Variants in CDH6 observed in about 807,000 individuals in gnomAD.
CDH6 encodes the protein cadherin 6.
Under a neutral mutation model 78.0 loss-of-function variants are expected in CDH6, and 31 were observed. That is an observed-to-expected ratio of 0.40 (90% CI 0.30 to 0.54). The LOEUF (loss-of-function observed/expected upper bound fraction) is 0.54, where lower values mean the gene tolerates loss of function less well. CDH6 is among the 20% of genes least tolerant of loss of function. The pLI is 0.56. For synonymous variants in CDH6, 376 were observed against 368.8 expected (o/e 1.02, Z -0.23); for missense variants, 724 against 975.9 (o/e 0.74, Z 3.44).
intron 1 of CDH6, among the ~76,000 whole-genome samples, chr5:31,196,822 T>A (rs1409246056): frequency 6.6e-6 from 1 of 152,144 alleles, no homozygotes; most frequent in African/African-American, 2.4e-5. Context: ...TAATAAAGAA[T>A]TTACCATCAT....
At chr5:31,314,826 A>T (rs1316163328) in intron 8 of CDH6, among the ~76,000 whole-genome samples, 1 of 152,164 alleles carries the variant, frequency 6.6e-6, no homozygotes, top group Admixed American at 6.5e-5. Context: ...CCTTAAAAAA[A>T]GTTTTTAAGA....
intron 5 of CDH6, 61 bp downstream of exon 5, chr5:31,299,692 A>G (rs1304853471): frequency 1.8e-5 from 25 of 1,423,860 alleles, no homozygotes; most frequent in Non-Finnish European, 2.3e-5. Context: ...GAACTTTAAG[A>G]ATTTTTATTT....
chr5:31,261,290 G>A (rs1432379343), intron 1 of CDH6, among the ~76,000 whole-genome samples: 1 of 152,176 alleles, frequency 6.6e-6, no homozygotes, highest in Non-Finnish European at 1.5e-5. Flanking sequence ...TAAGAGAGAT[G>A]TTAAAAAGTC....
intron 1 of CDH6, among the ~76,000 whole-genome samples, chr5:31,259,557 G>A (rs1742154925): frequency 6.6e-6 from 1 of 152,188 alleles, no homozygotes; most frequent in African/African-American, 2.4e-5. Context: ...AAGAATTAAT[G>A]TAGCTGCCAG....
chr5:31,324,270 CAAT>C lies in CDH6; in HGVS notation c.*966_*968del, dbSNP rs945609161. On this transcript the variant is annotated 3_prime_UTR_variant, in exon 12 of 12. Coordinates refer to ENST00000265071, the MANE Select transcript of CDH6 (RefSeq NM_004932.4). ...TACATGAAAGTAGCAGTGTGAAGTA[CAAT>C]AATTCATATTCTTCATATCCTTCTT... 4.7e-6 allele frequency: 1 copy of C among 211,210 alleles called. No homozygotes were observed. Among genetic ancestry groups the C allele is most frequent in the Non-Finnish European group, 9.6e-6 (1 of 104,326 alleles). 13.1% of individuals were successfully genotyped at this position (211,210 alleles called of 1,614,324 possible).
At chr5:31,218,878 A>G (rs1454251543) in intron 1 of CDH6, among the ~76,000 whole-genome samples, 1 of 151,936 alleles carries the variant, frequency 6.6e-6, no homozygotes, top group East Asian at 1.9e-4. Flanking sequence ...ATCCCCTACC[A>G]CTTCGCTCTT....
chr5:31,313,587 T>C (rs1738216105), intron 8 of CDH6, 133 bp downstream of exon 8: 6 of 779,326 alleles, frequency 7.7e-6, no homozygotes, highest in Non-Finnish European at 1.2e-5. Flanking sequence ...AGCCCTGGAG[T>C]GGTTTGCAGT....
At chr5:31,269,371 T>A (rs1285211182) in intron 2 of CDH6, among the ~76,000 whole-genome samples, 1 of 151,908 alleles carries the variant, frequency 6.6e-6, no homozygotes, top group Non-Finnish European at 1.5e-5. Context: ...TGTGAGAATA[T>A]TGCCATGGGG....
chr5:31,273,113 G>T (rs1742576812), intron 2 of CDH6, among the ~76,000 whole-genome samples: 1 of 152,218 alleles, frequency 6.6e-6, no homozygotes, highest in Middle Eastern at 3.4e-3. Context: ...AATTAGAAAT[G>T]AGCAATTATT....
chr5:31,225,581 G>A (rs148746277), intron 1 of CDH6, among the ~76,000 whole-genome samples: 11 of 152,196 alleles, frequency 7.2e-5, no homozygotes, highest in East Asian at 3.9e-4. Flanking sequence ...TTACGTGGCC[G>A]GAGCAGGAGG....
intron 7 of CDH6, among the ~76,000 whole-genome samples, chr5:31,311,108 T>A (rs1738137763): frequency 6.6e-6 from 1 of 152,240 alleles, no homozygotes; most frequent in Non-Finnish European, 1.5e-5. Context: ...AGTTCCAGTT[T>A]CACATCATCT....
chr5:31,273,132 T>C (rs1421609266), intron 2 of CDH6, among the ~76,000 whole-genome samples: 1 of 152,256 alleles, frequency 6.6e-6, no homozygotes, highest in African/African-American at 2.4e-5. Context: ...TTTGTTACTA[T>C]AATTACATGA....
chr5:31,252,581 G>C (rs756938092), intron 1 of CDH6, among the ~76,000 whole-genome samples: 1 of 152,130 alleles, frequency 6.6e-6, no homozygotes, highest in Non-Finnish European at 1.5e-5. Flanking sequence ...ATTGGTAGGT[G>C]TGCAAATATA....
intron 11 of CDH6, among the ~76,000 whole-genome samples, chr5:31,320,204 C>T (rs574716105): frequency 1.3e-5 from 2 of 152,298 alleles, no homozygotes; most frequent in East Asian, 1.9e-4. Flanking sequence ...GAGAGCTCTC[C>T]TTCTAGACAG....
At chr5:31,266,314 A>G (rs1216982824) in intron 1 of CDH6, among the ~76,000 whole-genome samples, 2 of 152,170 alleles carry the variant, frequency 1.3e-5, no homozygotes, top group Non-Finnish European at 2.9e-5. Context: ...TCAAAAGTAT[A>G]ATAGCTGACT....
intron 1 of CDH6, among the ~76,000 whole-genome samples, chr5:31,265,418 G>C (rs1742312955): frequency 6.6e-6 from 1 of 152,162 alleles, no homozygotes; most frequent in Non-Finnish European, 1.5e-5. Context: ...CTGTCAAGAA[G>C]ATGCATAATA....
intron 1 of CDH6, among the ~76,000 whole-genome samples, chr5:31,216,165 T>G (rs911252344): frequency 6.6e-6 from 1 of 152,076 alleles, no homozygotes; most frequent in Non-Finnish European, 1.5e-5. Flanking sequence ...TTAGGGTCTG[T>G]TCTAAAAAAT....
intron 8 of CDH6, among the ~76,000 whole-genome samples, chr5:31,315,790 G>A (rs886137137): frequency 4.6e-5 from 7 of 152,150 alleles, no homozygotes; most frequent in South Asian, 2.1e-4. Flanking sequence ...TCTTGCTCTC[G>A]TTCAGCATTC....
intron 1 of CDH6, among the ~76,000 whole-genome samples, chr5:31,216,738 C>T (rs1210185266): frequency 6.9e-6 from 1 of 144,896 alleles, no homozygotes; most frequent in Non-Finnish European, 1.5e-5. Context: ...AGGTTTTATA[C>T]AAAAAATTCA....
Sources: gnomAD v4.1 joint callset for allele counts (sites outside exome capture counted in the v4.1 genomes callset) on GRCh38, gnomAD v4.1.1 for gene constraint, MANE v1.5 for transcripts, NCBI Gene and HGNC (gene_info 2026-07-23, HGNC 2026-07-21) for gene names.